Variants in MYO9A observed in about 807,000 individuals in gnomAD.
The protein encoded by MYO9A is myosin IXA.
In MYO9A, 103 loss-of-function variants were observed where a neutral mutation model predicts 293.3. That is an observed-to-expected ratio of 0.35 (90% CI 0.30 to 0.41). The LOEUF is 0.41. Ranked by LOEUF, MYO9A falls within the 10% of genes least tolerant of loss-of-function variation. MYO9A has a pLI of 1.00. For missense variants in MYO9A, 2,685 were observed against 3,033.0 expected, an observed-to-expected ratio of 0.89 and a Z score of 2.69; for synonymous variants, 1,001 against 1,035.7, an observed-to-expected ratio of 0.97 and a Z score of 0.64.
At chr15:71,956,348 T>TATATATATAA in intron 14 of MYO9A, among the ~76,000 whole-genome samples, 1 of 132,044 alleles carries the variant, frequency 7.6e-6, no homozygotes, top group African/African-American at 2.9e-5. Context: ...TATATATATA[T>TATATATATAA]ATAAAATACG....
At chr15:72,045,684 A>G (rs2078365624) in intron 2 of MYO9A, 40 bp downstream of exon 2, 1 of 1,524,406 alleles carries the variant, frequency 6.6e-7, no homozygotes, top group Non-Finnish European at 8.7e-7. Flanking sequence ...AAGGATAAAA[A>G]TCAAAATTAA....
At chr15:71,952,828 C>T (rs912250714) in intron 14 of MYO9A, among the ~76,000 whole-genome samples, 6 of 152,076 alleles carry the variant, frequency 3.9e-5, no homozygotes, top group Admixed American at 6.6e-5. Context: ...GAATGAGATA[C>T]AACAGAACAA....
chr15:72,082,192 C>G (rs886097083), intron 1 of MYO9A, among the ~76,000 whole-genome samples: 3 of 152,126 alleles, frequency 2.0e-5, no homozygotes, highest in African/African-American at 4.8e-5. Context: ...TGTGTCATCT[C>G]TGATTTCTTT....
chr15:71,967,874 C>T, intron 13 of MYO9A, 110 bp downstream of exon 13: 1 of 1,020,102 alleles, frequency 9.8e-7, no homozygotes, highest in Non-Finnish European at 1.3e-6. Flanking sequence ...ACAATATCTC[C>T]AGTTATTACT....
chr15:71,938,950 A>G (rs751327518), intron 15 of MYO9A, 23 bp from the exon 16 acceptor site: 10 of 1,569,322 alleles, frequency 6.4e-6, no homozygotes, highest in Non-Finnish European at 7.8e-6. Context: ...AAAAAACAGA[A>G]AATTTCAAAT....
intron 26 of MYO9A, chr15:71,892,858 T>A (rs1468866887): frequency 3.0e-6 from 2 of 668,830 alleles, no homozygotes; most frequent in Non-Finnish European, 4.2e-6. Flanking sequence ...AGGTTTCCCA[T>A]GCACAAACCA....
intron 11 of MYO9A, among the ~76,000 whole-genome samples, chr15:71,978,691 T>C (rs2147850077): frequency 6.6e-6 from 1 of 152,236 alleles, no homozygotes; most frequent in African/African-American, 2.4e-5. Context: ...ATGAAACAAT[T>C]TCTGGGAAAA....
chr15:71,828,157 G>A (rs2054585795), intron 40 of MYO9A, 131 bp from the exon 41 acceptor site: 3 of 1,019,270 alleles, frequency 2.9e-6, no homozygotes, highest in Non-Finnish European at 4.2e-6. Context: ...CCCCATCCAG[G>A]TGGTGATGAG....
At chr15:72,091,013 A>G (rs541496456) in intron 1 of MYO9A, among the ~76,000 whole-genome samples, 1 of 151,574 alleles carries the variant, frequency 6.6e-6, no homozygotes, top group African/African-American at 2.4e-5. Context: ...AAAAATAAAA[A>G]AGCAACACCT....
chr15:72,000,917 G>A (rs2076845384), intron 8 of MYO9A, among the ~76,000 whole-genome samples: 3 of 152,178 alleles, frequency 2.0e-5, no homozygotes, highest in Non-Finnish European at 4.4e-5. Flanking sequence ...AATTTTGTAT[G>A]ATTAGAAAAT....
intron 10 of MYO9A, chr15:71,993,829 G>A (rs1347370607): frequency 3.3e-5 from 5 of 152,106 alleles, no homozygotes; most frequent in Non-Finnish European, 7.3e-5. Flanking sequence ...AATGAGCTGG[G>A]TGTGGTGGTG....
At chr15:71,871,754 C>A (rs565546465) in intron 32 of MYO9A, among the ~76,000 whole-genome samples, 5 of 149,546 alleles carry the variant, frequency 3.3e-5, no homozygotes, top group African/African-American at 1.2e-4. Context: ...AATAATTTAT[C>A]TAAGAAGGAC....
chr15:72,007,363 G>A (rs2077045473), intron 8 of MYO9A, among the ~76,000 whole-genome samples: 1 of 149,616 alleles, frequency 6.7e-6, no homozygotes, highest in Non-Finnish European at 1.5e-5. Context: ...TAGGAGATGA[G>A]AACCTTTATG....
At chr15:72,015,683 G>GT (rs10708457) in intron 6 of MYO9A, among the ~76,000 whole-genome samples, 3,140 of 113,480 alleles carry the variant, frequency 0.028, 57 homozygotes, top group South Asian at 0.038. Context: ...CTCAGATCAG[G>GT]TTTTTTTTTT....
chr15:71,989,542 A>T (rs897103007), intron 11 of MYO9A, among the ~76,000 whole-genome samples: 7 of 152,228 alleles, frequency 4.6e-5, no homozygotes, highest in Admixed American at 2.0e-4. Flanking sequence ...GCTTGGATGT[A>T]AAACCCAAAG....
At chr15:71,915,406 C>T (rs956137872) in intron 19 of MYO9A, among the ~76,000 whole-genome samples, 5 of 151,074 alleles carry the variant, frequency 3.3e-5, no homozygotes, top group African/African-American at 1.2e-4. Flanking sequence ...TATTTGGCTC[C>T]TTGGTCTTGC....
At chr15:71,944,350 C>T (rs1194329913) in intron 15 of MYO9A, among the ~76,000 whole-genome samples, 2 of 152,076 alleles carry the variant, frequency 1.3e-5, no homozygotes, top group East Asian at 1.9e-4. Flanking sequence ...AATTGGCTAA[C>T]TTTACCAATT....
At chr15:71,970,189 A>G (rs1209100073) in intron 12 of MYO9A, among the ~76,000 whole-genome samples, 1 of 152,224 alleles carries the variant, frequency 6.6e-6, no homozygotes, top group Non-Finnish European at 1.5e-5. Flanking sequence ...TGCTGATAGA[A>G]GATGACACTT....
chr15:72,018,111 T>G (rs2077395573), intron 6 of MYO9A, among the ~76,000 whole-genome samples: 1 of 151,916 alleles, frequency 6.6e-6, no homozygotes, highest in Non-Finnish European at 1.5e-5. Context: ...TTTAAAAAAT[T>G]AAAGCAAAAT....
Sources: gnomAD v4.1 joint callset for allele counts (sites outside exome capture counted in the v4.1 genomes callset) on GRCh38, gnomAD v4.1.1 for gene constraint, MANE v1.5 for transcripts, NCBI Gene and HGNC (gene_info 2026-07-23, HGNC 2026-07-21) for gene names.